TG: variants seen among roughly 807,000 people sequenced by gnomAD.
TG encodes the protein thyroglobulin.
A neutral mutation model predicts 324.7 loss-of-function variants in TG; 270 were observed. The ratio of observed to expected loss-of-function variants is 0.83; its 90% CI spans 0.75 to 0.92. The LOEUF (loss-of-function observed/expected upper bound fraction) is 0.92. Ranked by LOEUF, TG falls within the 40% of genes least tolerant of loss-of-function variation. TG has a pLI of 0.00. For synonymous variants in TG, 1,401 were observed against 1,327.0 expected, an observed-to-expected ratio of 1.06 and a Z score of -1.21; for missense variants, 3,591 against 3,456.4, an observed-to-expected ratio of 1.04 and a Z score of -0.98.
At chr8:133,098,801 A>G (rs142559916) in intron 43 of TG, among the ~76,000 whole-genome samples, 1 of 152,284 alleles carries the variant, frequency 6.6e-6, no homozygotes, top group African/African-American at 2.4e-5. Flanking sequence ...CATGGTGTTC[A>G]GAGGGTAGCC....
intron 45 of TG, among the ~76,000 whole-genome samples, chr8:133,125,801 T>G (rs557788066): frequency 1.3e-5 from 2 of 152,102 alleles, no homozygotes; most frequent in Non-Finnish European, 2.9e-5. Flanking sequence ...TGGTTGAAGG[T>G]GCAGAGGGAA....
chr8:133,086,127 T>C (rs1846520476), intron 41 of TG, among the ~76,000 whole-genome samples: 1 of 152,214 alleles, frequency 6.6e-6, no homozygotes, highest in South Asian at 2.1e-4. Context: ...TATGATTCCA[T>C]TTATATGAAA....
At chr8:133,069,563 G>A (rs897830245) in intron 41 of TG, among the ~76,000 whole-genome samples, 1 of 152,170 alleles carries the variant, frequency 6.6e-6, no homozygotes, top group Non-Finnish European at 1.5e-5. Context: ...GTCACAATTC[G>A]ACGGTCATTT....
chr8:132,887,951 A>G, intron 9 of TG, 33 bp from the exon 10 acceptor site: 3 of 1,584,396 alleles, frequency 1.9e-6, no homozygotes, highest in Non-Finnish European at 2.6e-6. Context: ...TAAATTTCTT[A>G]AACTGAAACA....
chr8:133,038,320 C>T, intron 41 of TG: 1 of 596,060 alleles, frequency 1.7e-6, no homozygotes, highest in Non-Finnish European at 3.0e-6. Context: ...CGTGATGCCA[C>T]AGCCCTGATC....
At position 132,950,299 on chromosome 8, in the gene TG, A is replaced by G. The variant is rs147864259; in HGVS notation, c.5401+1356A>G. On this transcript the variant is annotated intron_variant, in intron 27 of 47. Transcript: ENST00000220616. ...CTTCTGAGTTGAGAGCAGTGAAGGC[A>G]TGTGCAGGTGCTGACCAGATAGACT... Among the ~76,000 whole-genome samples the G allele has an allele frequency of 1.9e-4, 29 of 152,322 alleles. No homozygotes were observed. In the East Asian group the frequency reaches 5.6e-3, roughly 29 times the overall value.
At chr8:133,075,599 C>T (rs751200557) in intron 41 of TG, among the ~76,000 whole-genome samples, 6 of 152,258 alleles carry the variant, frequency 3.9e-5, no homozygotes, top group East Asian at 1.9e-4. Flanking sequence ...AGGGGACATG[C>T]GGTGACCAAG....
rs1330366991 is a variant in TG, at chr8:132,888,103, G to A, written c.2296G>A (p.Asp766Asn). 7 of 1,613,980 alleles carry A rather than the reference G, an allele frequency of 4.3e-6. No individual in the cohort carries two copies. The East Asian group carries it at 6.7e-5, about 15-fold the overall frequency. The change falls in exon 10 of 48, where the codon GAT (aspartate) becomes AAT (asparagine). Residue 766 changes from aspartate (D) to asparagine (N), a missense_variant. Physicochemically the swap from Asp to Asn is conservative, Grantham distance 23. Coordinates refer to ENST00000220616, the MANE Select transcript of TG (RefSeq NM_003235.5). ...SDTYIPQCSTDGQWRQVQCNG... is the reference protein window; with the variant it reads ...SDTYIPQCSTNGQWRQVQCNG... The stretch of plus-strand genomic sequence containing the variant: ...CACCTACATCCCACAGTGCAGCACC[G>A]ATGGGCAGTGGAGACAAGTGCAATG...
chr8:132,887,549 G>A lies in TG; in HGVS notation c.2176+1G>A. ...AGTGCAATAGGGAAGCCCAAGAAATGTAAGTCTGTTGGGTATTCAATCTGT... is the reference window on the plus strand; with the variant it reads ...AGTGCAATAGGGAAGCCCAAGAAATATAAGTCTGTTGGGTATTCAATCTGT... On this transcript the variant is annotated splice_donor_variant, in intron 9 of 47. Coordinates refer to ENST00000220616, the MANE Select transcript of TG (RefSeq NM_003235.5). LOFTEE classifies it high-confidence loss of function. 6.2e-7 allele frequency: 1 copy of A among 1,614,200 alleles called. No homozygotes were observed. The highest frequency in any genetic ancestry group is 8.5e-7 in the Non-Finnish European group (1 of 1,180,044).
In TG at chr8:132,966,964, C is replaced by T. The variant is rs1177484943; in HGVS notation, c.5686+267C>T. ...CCATTCACCCATCCATCCATCCATC[C>T]ATCTACCCATCCATCCCATTCATCC... On this transcript the variant is annotated intron_variant, in intron 30 of 47. Transcript: ENST00000220616. Among the ~76,000 whole-genome samples, 3 of 152,134 alleles carry T rather than the reference C, an allele frequency of 2.0e-5. No individual in the cohort carries two copies. In the East Asian group the frequency reaches 5.8e-4, roughly 29 times the overall value.
rs996358219 is a variant in TG, at chr8:132,885,172, A to G, written c.1076-1276A>G. ...GTTAAAAGGTAAGAGTTATGATTTTATGGAGAAAAATGGAGCTTACTTTAC... is the reference window on the plus strand; with the variant it reads ...GTTAAAAGGTAAGAGTTATGATTTTGTGGAGAAAAATGGAGCTTACTTTAC... On this transcript the variant is annotated intron_variant, in intron 8 of 47. Coordinates refer to ENST00000220616, the MANE Select transcript of TG (RefSeq NM_003235.5). Among the ~76,000 whole-genome samples the G allele has an allele frequency of 3.3e-5, 5 of 151,084 alleles. No homozygotes were observed. The East Asian group carries it at 9.8e-4, about 30-fold the overall frequency.
intron 45 of TG, among the ~76,000 whole-genome samples, chr8:133,121,791 G>A (rs941324158): frequency 7.2e-5 from 11 of 152,106 alleles, no homozygotes; most frequent in Non-Finnish European, 1.3e-4. Context: ...GTTCTTCTTG[G>A]CCATCAGAAT....
intron 45 of TG, among the ~76,000 whole-genome samples, chr8:133,125,996 A>C (rs1401386248): frequency 6.6e-6 from 1 of 152,262 alleles, no homozygotes; most frequent in African/African-American, 2.4e-5. Context: ...AAAAAATAAT[A>C]AAATGTAGAA....
chr8:133,038,359 T>C (rs957833559), intron 41 of TG: 9 of 623,396 alleles, frequency 1.4e-5, no homozygotes, highest in African/African-American at 7.3e-5. Context: ...CCTTTGGTCA[T>C]GATGTGGATA....
intron 25 of TG, among the ~76,000 whole-genome samples, chr8:132,938,965 T>C (rs1324338062): frequency 7.0e-6 from 1 of 142,412 alleles, no homozygotes; most frequent in Admixed American, 7.7e-5. Flanking sequence ...GGCAGGAGAA[T>C]GGCATGAACC....
At position 133,122,119 on chromosome 8, in the gene TG, GA is replaced by G. The variant is rs1007088978; in HGVS notation, c.7862+5411del. On this transcript the variant is annotated intron_variant, in intron 45 of 47. Transcript: ENST00000220616. ...ATTAGCTTTCCTGGCAACAACTAGT[GA>G]AAAAAAATACAACGAATTATTGCTT... 1.4e-4 allele frequency among the ~76,000 whole-genome samples: 21 copies of G among 151,812 alleles called. No homozygotes were observed. The East Asian group carries it at 2.5e-3, about 18-fold the overall frequency.
intron 29 of TG, among the ~76,000 whole-genome samples, chr8:132,964,224 A>G (rs1371749891): frequency 6.6e-6 from 1 of 151,906 alleles, no homozygotes; most frequent in Non-Finnish European, 1.5e-5. Flanking sequence ...GCATCTGCAA[A>G]ACTCTCACAT....
At chr8:133,109,151 C>T (rs1209576252) in intron 43 of TG, among the ~76,000 whole-genome samples, 1 of 152,094 alleles carries the variant, frequency 6.6e-6, no homozygotes, top group Non-Finnish European at 1.5e-5. Flanking sequence ...GTCCTGTTTC[C>T]TGGAGGAGGT....
chr8:133,055,022 G>A (rs534734575), intron 41 of TG, among the ~76,000 whole-genome samples: 4 of 152,296 alleles, frequency 2.6e-5, no homozygotes, highest in Admixed American at 2.6e-4. Flanking sequence ...GGGTGAAGAA[G>A]CCAAAGCTGG....
Sources: gnomAD v4.1 joint callset for allele counts (sites outside exome capture counted in the v4.1 genomes callset) on GRCh38, gnomAD v4.1.1 for gene constraint, MANE v1.5 for transcripts, NCBI Gene and HGNC (gene_info 2026-07-23, HGNC 2026-07-21) for gene names.